Variants in COP1 observed in about 807,000 individuals in gnomAD.
COP1 encodes the protein E3 ubiquitin-protein ligase COP1.
Under a neutral mutation model 101.3 loss-of-function variants are expected in COP1, and 24 were observed. The observed-to-expected ratio is 0.24, with a 90% CI of 0.17 to 0.33. COP1 has a LOEUF of 0.33. Ranked by LOEUF, COP1 falls within the 10% of genes least tolerant of loss-of-function variation. The pLI is 1.00. For missense variants in COP1, 663 were observed against 906.2 expected, an observed-to-expected ratio of 0.73 and a Z score of 3.45; for synonymous variants, 347 against 341.9, an observed-to-expected ratio of 1.01 and a Z score of -0.17.
chr1:176,048,355 T>A (rs562992216), intron 11 of COP1, among the ~76,000 whole-genome samples: 31 of 151,902 alleles, frequency 2.0e-4, no homozygotes, highest in Admixed American at 1.4e-3. Context: ...AAAAAAAAAA[T>A]TTATTCAGTT....
chr1:176,184,151 A>G (rs555886087), intron 2 of COP1, among the ~76,000 whole-genome samples: 47 of 152,142 alleles, frequency 3.1e-4, no homozygotes, highest in Non-Finnish European at 6.0e-4. Flanking sequence ...AAAATTAAAA[A>G]ATTTTTTTGA....
chr1:176,005,637 T>A (rs1662965553), intron 15 of COP1, among the ~76,000 whole-genome samples: 1 of 152,222 alleles, frequency 6.6e-6, no homozygotes, highest in African/African-American at 2.4e-5. Flanking sequence ...AGCAGGTTGT[T>A]CAGTTTCCAT....
chr1:176,002,692 T>C (rs966073257), intron 15 of COP1, among the ~76,000 whole-genome samples: 2 of 149,280 alleles, frequency 1.3e-5, no homozygotes, highest in Admixed American at 6.8e-5. Context: ...GAACTCATCA[T>C]TTTTTATGGC....
chr1:176,141,169 A>G (rs931986538), intron 6 of COP1, among the ~76,000 whole-genome samples: 3 of 152,226 alleles, frequency 2.0e-5, no homozygotes, highest in Non-Finnish European at 4.4e-5. Flanking sequence ...GAACAAAAGA[A>G]TACACCATTA....
chr1:176,020,063 C>T (rs1416714676), intron 15 of COP1, among the ~76,000 whole-genome samples: 1 of 152,074 alleles, frequency 6.6e-6, no homozygotes, highest in South Asian at 2.1e-4. Context: ...TGGTGGCTCA[C>T]GTCTATAATC....
At chr1:176,063,050 T>TTG (rs1440059920) in intron 11 of COP1, among the ~76,000 whole-genome samples, 38 of 132,602 alleles carry the variant, frequency 2.9e-4, no homozygotes, top group Admixed American at 2.4e-3. Context: ...TGAAAATGTT[T>TTG]TTTTTTTTTT....
chr1:176,192,199 G>A (rs1699182420), intron 1 of COP1, among the ~76,000 whole-genome samples: 1 of 152,048 alleles, frequency 6.6e-6, no homozygotes, highest in South Asian at 2.1e-4. Flanking sequence ...ATCTCTTCCT[G>A]GATTTTATTC....
In COP1 at chr1:176,192,287, G is replaced by T. The variant is rs186996903; in HGVS notation, c.408-7595C>A. Among the ~76,000 whole-genome samples, 37 of 152,206 alleles carry T rather than the reference G, an allele frequency of 2.4e-4. No homozygotes were observed. In the East Asian group the frequency reaches 6.9e-3, roughly 29 times the overall value. On this transcript the variant is annotated intron_variant, in intron 1 of 19. Transcript: ENST00000367669. ...CACCAAGGGTTTACAGTTAACAGAA[G>T]ATTTAATTCGTCTTGTGTAGTTATA...
At chr1:176,000,437 A>T (rs1280023269) in intron 15 of COP1, among the ~76,000 whole-genome samples, 2 of 152,020 alleles carry the variant, frequency 1.3e-5, no homozygotes, top group African/African-American at 4.8e-5. Flanking sequence ...TTTAACTGGG[A>T]GCATAGAATT....
chr1:176,002,910 T>C (rs1392310870), intron 15 of COP1, among the ~76,000 whole-genome samples: 1 of 151,028 alleles, frequency 6.6e-6, no homozygotes, highest in Admixed American at 6.6e-5. Context: ...TTTCTAGTTC[T>C]AGATCCCTGA....
intron 16 of COP1, 72 bp from the exon 17 acceptor site, chr1:175,988,484 G>A: frequency 1.4e-6 from 2 of 1,383,930 alleles, no homozygotes; most frequent in Non-Finnish European, 2.0e-6. Context: ...ACTAATTAGA[G>A]GCAATGCAGT....
chr1:176,011,295 T>C (rs1664614139), intron 15 of COP1, among the ~76,000 whole-genome samples: 1 of 152,198 alleles, frequency 6.6e-6, no homozygotes, highest in Admixed American at 6.5e-5. Context: ...AACAGCCAAA[T>C]GTAGCTAGAA....
chr1:176,151,397 G>GAAAGAA (rs1553292995), intron 5 of COP1, among the ~76,000 whole-genome samples: 30 of 144,668 alleles, frequency 2.1e-4, no homozygotes, highest in Non-Finnish European at 3.7e-4. Flanking sequence ...AAGAAAGAAA[G>GAAAGAA]AAAGAAAGAA....
intron 18 of COP1, among the ~76,000 whole-genome samples, chr1:175,986,165 A>G (rs1571408844): frequency 6.6e-6 from 1 of 151,990 alleles, no homozygotes; most frequent in Admixed American, 6.6e-5. Flanking sequence ...GACTACAGTC[A>G]CCCGCCACCA....
intron 9 of COP1, among the ~76,000 whole-genome samples, chr1:176,088,553 TTA>T (rs1368045395): frequency 6.6e-6 from 1 of 152,128 alleles, no homozygotes; most frequent in African/African-American, 2.4e-5. Context: ...GCGCTTTTCT[TTA>T]TATGTGTTTT....
intron 11 of COP1, among the ~76,000 whole-genome samples, chr1:176,063,464 T>C (rs1303254755): frequency 6.6e-6 from 1 of 152,240 alleles, no homozygotes; most frequent in African/African-American, 2.4e-5. Context: ...TTTTAAAAAC[T>C]ATCCAACTTG....
At chr1:176,076,003 CA>C (rs60998287) in intron 11 of COP1, among the ~76,000 whole-genome samples, 14 of 96,532 alleles carry the variant, frequency 1.5e-4, no homozygotes, top group African/African-American at 4.4e-4. Flanking sequence ...AACTCCATCT[CA>C]AAAAAAAAAA....
intron 11 of COP1, among the ~76,000 whole-genome samples, chr1:176,049,165 C>A (rs147466934): frequency 0.029 from 3,444 of 118,328 alleles, 151 homozygotes; most frequent in African/African-American, 0.1. Context: ...GGCAACAGAG[C>A]GAGACTCCGT....
chr1:176,180,618 T>C (rs1697611054), intron 2 of COP1, among the ~76,000 whole-genome samples: 1 of 152,250 alleles, frequency 6.6e-6, no homozygotes, highest in Non-Finnish European at 1.5e-5. Context: ...AAAATGTGTA[T>C]TTCTCTATAG....
Sources: gnomAD v4.1 joint callset for allele counts (sites outside exome capture counted in the v4.1 genomes callset) on GRCh38, gnomAD v4.1.1 for gene constraint, MANE v1.5 for transcripts, NCBI Gene and HGNC (gene_info 2026-07-23, HGNC 2026-07-21) for gene names.